The following XKR9 variants were observed in gnomAD, a reference collection of about 807,000 sequenced individuals.
XKR9 encodes XK-related protein 9.
In XKR9, 32 loss-of-function variants were observed where a neutral mutation model predicts 32.0. That is an observed-to-expected ratio of 1.00 (90% CI 0.76 to 1.34). XKR9 has a LOEUF of 1.34. Ranked by LOEUF, XKR9 falls within the 40% of genes most tolerant of loss-of-function variation. The pLI is 0.00. For synonymous variants in XKR9, 168 were observed against 143.4 expected (o/e 1.17, Z -1.22); for missense variants, 546 against 429.7 (o/e 1.27, Z -2.39).
chr8:70,848,029 G>C, the XKR9 span, among the ~76,000 whole-genome samples: 1 of 151,980 alleles, frequency 6.6e-6, no homozygotes, highest in Non-Finnish European at 1.5e-5. Context: ...AAAATTACAG[G>C]CTAATATCAC....
the XKR9 span, among the ~76,000 whole-genome samples, chr8:71,047,554 T>C: frequency 6.6e-6 from 1 of 152,356 alleles, no homozygotes; most frequent in African/African-American, 2.4e-5. Context: ...TCAGACCAAA[T>C]GTCAGTCTTT....
intron 2 of XKR9, among the ~76,000 whole-genome samples, chr8:70,776,707 T>G (rs1422100222): frequency 1.3e-5 from 2 of 151,946 alleles, no homozygotes; most frequent in Admixed American, 6.6e-5. Context: ...CTGTTCTCTC[T>G]CTTCATGGCT....
chr8:70,976,865 G>C, the XKR9 span, among the ~76,000 whole-genome samples: 1 of 152,206 alleles, frequency 6.6e-6, no homozygotes, highest in African/African-American at 2.4e-5. Context: ...TTTTTGGTTG[G>C]TAGGCTATAA....
At chr8:70,930,794 A>G in the XKR9 span, among the ~76,000 whole-genome samples, 1 of 152,162 alleles carries the variant, frequency 6.6e-6, no homozygotes, top group Admixed American at 6.6e-5. Flanking sequence ...CATTTTTAGC[A>G]GTGTCTATCT....
At chr8:70,991,373 A>G in the XKR9 span, among the ~76,000 whole-genome samples, 1 of 152,198 alleles carries the variant, frequency 6.6e-6, no homozygotes, top group South Asian at 2.1e-4. Context: ...GAGGTTTTAC[A>G]TTTTGATTTT....
At chr8:70,939,127 C>G in the XKR9 span, among the ~76,000 whole-genome samples, 1 of 152,010 alleles carries the variant, frequency 6.6e-6, no homozygotes, top group Admixed American at 6.6e-5. Context: ...CCTGCTCCTT[C>G]AAGCTTTTAT....
chr8:70,937,669 T>A, the XKR9 span, among the ~76,000 whole-genome samples: 1,476 of 152,164 alleles, frequency 9.7e-3, 23 homozygotes, highest in African/African-American at 0.034. Flanking sequence ...TTCTAATTAT[T>A]GGTTCCATTT....
At chr8:70,756,931 G>T (rs938485152) in intron 2 of XKR9, among the ~76,000 whole-genome samples, 1 of 152,120 alleles carries the variant, frequency 6.6e-6, no homozygotes, top group Admixed American at 6.5e-5. Flanking sequence ...CTTATCTTAA[G>T]GGGAAGCATC....
the XKR9 span, among the ~76,000 whole-genome samples, chr8:70,989,519 T>C: frequency 6.6e-6 from 1 of 152,340 alleles, no homozygotes; most frequent in East Asian, 1.9e-4. Context: ...CTTTACTTGC[T>C]GAGCTGATAC....
chr8:70,982,331 G>A, the XKR9 span, among the ~76,000 whole-genome samples: 1 of 152,186 alleles, frequency 6.6e-6, no homozygotes, highest in Non-Finnish European at 1.5e-5. Flanking sequence ...GGGTGTGTGA[G>A]CTCAGCCTCT....
At chr8:70,795,175 A>T (rs1236207657), downstream of XKR9, among the ~76,000 whole-genome samples, 2 of 151,480 alleles carry the variant, frequency 1.3e-5, no homozygotes, top group African/African-American at 4.9e-5. Flanking sequence ...TTTCTCCTCT[A>T]TGTGTTCATA....
chr8:70,824,413 T>A, the XKR9 span, among the ~76,000 whole-genome samples: 141 of 152,236 alleles, frequency 9.3e-4, no homozygotes, highest in African/African-American at 3.0e-3. Context: ...TGATTGACCC[T>A]TCTTATTTAG....
At chr8:70,730,807 T>C (rs1806639403) in intron 4 of XKR9, among the ~76,000 whole-genome samples, 1 of 152,244 alleles carries the variant, frequency 6.6e-6, no homozygotes, top group South Asian at 2.1e-4. Flanking sequence ...TTGAGCAGTT[T>C]CTATTGCTCT....
the XKR9 span, among the ~76,000 whole-genome samples, chr8:70,850,403 G>T: frequency 2.1e-5 from 3 of 141,882 alleles, no homozygotes; most frequent in Non-Finnish European, 4.5e-5. Context: ...GGCAGAGCTT[G>T]CAGTGAGCCA....
chr8:70,823,011 C>G, the XKR9 span, among the ~76,000 whole-genome samples: 1 of 152,116 alleles, frequency 6.6e-6, no homozygotes, highest in Non-Finnish European at 1.5e-5. Flanking sequence ...TAATTTCCAC[C>G]TATCCATCAG....
At chr8:70,960,589 A>G in the XKR9 span, among the ~76,000 whole-genome samples, 5 of 152,124 alleles carry the variant, frequency 3.3e-5, no homozygotes, top group African/African-American at 1.2e-4. Flanking sequence ...TCAAAAATAC[A>G]GTTTATGGCC....
chr8:70,720,415 G>A (rs1806237987), intron 4 of XKR9, among the ~76,000 whole-genome samples: 1 of 152,134 alleles, frequency 6.6e-6, no homozygotes, highest in Non-Finnish European at 1.5e-5. Flanking sequence ...TGCCCATTCA[G>A]TATGATATTG....
chr8:70,728,460 T>G (rs976804565), intron 4 of XKR9, among the ~76,000 whole-genome samples: 1 of 152,158 alleles, frequency 6.6e-6, no homozygotes, highest in Non-Finnish European at 1.5e-5. Context: ...GTTAGTATTG[T>G]CATTTATAGT....
chr8:70,896,936 A>G, the XKR9 span, among the ~76,000 whole-genome samples: 2 of 152,192 alleles, frequency 1.3e-5, no homozygotes, highest in African/African-American at 4.8e-5. Context: ...ATTGTTGCCT[A>G]TAGTCACCCT....
Sources: gnomAD v4.1 joint callset for allele counts (sites outside exome capture counted in the v4.1 genomes callset) on GRCh38, gnomAD v4.1.1 for gene constraint, MANE v1.5 for transcripts, NCBI Gene and HGNC (gene_info 2026-07-23, HGNC 2026-07-21) for gene names.